JMJD1C: variants seen among roughly 807,000 people sequenced by gnomAD.
JMJD1C encodes the protein jumonji domain containing 1C.
Under a neutral mutation model 245.3 loss-of-function variants are expected in JMJD1C, and 31 were observed. That is an observed-to-expected ratio of 0.13 (90% CI 0.09 to 0.17). The LOEUF (loss-of-function observed/expected upper bound fraction) is 0.17. Among genes scored for constraint, JMJD1C ranks in the 10% least tolerant of loss-of-function variants. JMJD1C has a pLI of 1.00. For synonymous variants in JMJD1C, 1,057 were observed against 1,017.4 expected, an observed-to-expected ratio of 1.04 and a Z score of -0.74; for missense variants, 2,691 against 3,000.2, an observed-to-expected ratio of 0.90 and a Z score of 2.41.
At chr10:63,346,796 C>T (rs1051416944) in intron 2 of JMJD1C, among the ~76,000 whole-genome samples, 1 of 152,104 alleles carries the variant, frequency 6.6e-6, no homozygotes, top group African/African-American at 2.4e-5. Flanking sequence ...TACTTGGCTA[C>T]TATTTTTAAG....
intron 2 of JMJD1C, among the ~76,000 whole-genome samples, chr10:63,276,902 T>TTTTTTTTA (rs71025142): frequency 1.4e-5 from 2 of 142,028 alleles, no homozygotes; most frequent in African/African-American, 2.7e-5. Context: ...TTTTTTTTTT[T>TTTTTTTTA]GAGAGAGAGT....
upstream of JMJD1C, among the ~76,000 whole-genome samples, chr10:63,467,448 C>G (rs1953339604): frequency 6.6e-6 from 1 of 152,200 alleles, no homozygotes; most frequent in South Asian, 2.1e-4. Context: ...CTGGAGGTTG[C>G]AGTGAGCCGG....
chr10:63,192,826 C>A, intron 16 of JMJD1C, 112 bp downstream of exon 16: 3 of 807,144 alleles, frequency 3.7e-6, no homozygotes, highest in South Asian at 1.7e-5. Flanking sequence ...AGAAAAAGAC[C>A]AAAGTAAATT....
intron 2 of JMJD1C, chr10:63,358,640 A>C (rs1016307380): frequency 2.6e-5 from 4 of 152,200 alleles, no homozygotes; most frequent in African/African-American, 4.8e-5. Context: ...ATAAAATCAC[A>C]ACAAAAACAA....
chr10:63,176,109 T>C (rs1260471540), intron 24 of JMJD1C, among the ~76,000 whole-genome samples, 188 bp downstream of exon 24: 1 of 152,168 alleles, frequency 6.6e-6, no homozygotes, highest in African/African-American at 2.4e-5. Flanking sequence ...TAAAACAATT[T>C]AAAATCTTAA....
chr10:63,257,740 A>T lies in JMJD1C; in HGVS notation c.447+6911T>A, dbSNP rs552933078. 2.6e-5 allele frequency among the ~76,000 whole-genome samples: 4 copies of T among 152,358 alleles called. No homozygotes were observed. The South Asian group carries it at 8.3e-4, about 32-fold the overall frequency. ...GCTGTAAAGGATACCACCACAGTAC[A>T]GTTTTGTTGTCATCTTTTCTAATAT... On this transcript the variant is annotated intron_variant, in intron 3 of 25. Coordinates refer to ENST00000399262, the MANE Select transcript of JMJD1C (RefSeq NM_032776.3).
chr10:63,368,011 T>G (rs1945998384), intron 2 of JMJD1C, among the ~76,000 whole-genome samples: 1 of 152,214 alleles, frequency 6.6e-6, no homozygotes, highest in Admixed American at 6.5e-5. Flanking sequence ...TTATAGGACA[T>G]GCTAATTGAA....
intron 2 of JMJD1C, among the ~76,000 whole-genome samples, chr10:63,375,700 G>A (rs577020548): frequency 3.9e-5 from 6 of 152,108 alleles, no homozygotes; most frequent in Non-Finnish European, 7.4e-5. Flanking sequence ...ATAGGCGTGA[G>A]CCACCACACT....
chr10:63,483,331 G>A (rs1953885364), intron 1 of JMJD1C, among the ~76,000 whole-genome samples: 1 of 152,176 alleles, frequency 6.6e-6, no homozygotes. Flanking sequence ...GTTTCCAAGT[G>A]AGCGGTTGCA....
chr10:63,468,659 A>G (rs1048599994), upstream of JMJD1C, among the ~76,000 whole-genome samples: 1 of 152,172 alleles, frequency 6.6e-6, no homozygotes, highest in African/African-American at 2.4e-5. Flanking sequence ...TATAAATTAG[A>G]TTTTCTAGTC....
At chr10:63,279,617 A>T (rs1375095993) in intron 2 of JMJD1C, among the ~76,000 whole-genome samples, 3 of 152,286 alleles carry the variant, frequency 2.0e-5, no homozygotes, top group East Asian at 3.9e-4. Flanking sequence ...AAAAATTTTT[A>T]AATTAGCTGG....
chr10:63,295,717 T>C (rs995025795), intron 2 of JMJD1C, among the ~76,000 whole-genome samples: 1 of 152,074 alleles, frequency 6.6e-6, no homozygotes, highest in African/African-American at 2.4e-5. Flanking sequence ...TTATGCATGG[T>C]AGTTACGCTC....
chr10:63,208,163 T>A lies in JMJD1C; in HGVS notation c.3506A>T (p.His1169Leu), dbSNP rs759583553. Residue 1169 changes from histidine (H) to leucine (L), a missense_variant, in exon 10 of 26, where the codon CAT (histidine) becomes CTT (leucine). Coordinates refer to ENST00000399262, the MANE Select transcript of JMJD1C (RefSeq NM_032776.3). Reference protein sequence around the residue: ...LVGKIPEHLPHQIASHSVTTF... With the variant: ...LVGKIPEHLPLQIASHSVTTF... ...TGTTACTGAGTGAGATGCAATCTGA[T>A]GTGGAAGATGTTCTGGTATCTTGCC... 6.2e-7 allele frequency: 1 copy of A among 1,614,044 alleles called. No homozygotes were observed.
At chr10:63,427,403 C>T (rs144244382) in intron 1 of JMJD1C, 139 of 1,097,272 alleles carry the variant, frequency 1.3e-4, no homozygotes, top group Middle Eastern at 1.2e-3. Context: ...CATGTCTTGA[C>T]GGAAGACACA....
intron 25 of JMJD1C, 87 bp from the exon 26 acceptor site, chr10:63,168,221 G>A: frequency 4.4e-6 from 5 of 1,145,504 alleles, no homozygotes; most frequent in Non-Finnish European, 5.1e-6. Flanking sequence ...AAAAATAATA[G>A]GGAACTAGGA....
At chr10:63,201,209 T>C (rs1204320749) in intron 10 of JMJD1C, among the ~76,000 whole-genome samples, 1 of 152,212 alleles carries the variant, frequency 6.6e-6, no homozygotes. Context: ...GGTAATTTTA[T>C]AAAACCTGTA....
At chr10:63,356,157 T>G (rs2134324877) in intron 2 of JMJD1C, among the ~76,000 whole-genome samples, 1 of 152,288 alleles carries the variant, frequency 6.6e-6, no homozygotes, top group Middle Eastern at 3.4e-3. Context: ...TGTAAAAGAT[T>G]TAATCCAGAC....
At chr10:63,304,999 C>A (rs1280363900) in intron 2 of JMJD1C, among the ~76,000 whole-genome samples, 2 of 152,088 alleles carry the variant, frequency 1.3e-5, no homozygotes, top group African/African-American at 2.4e-5. Flanking sequence ...ATAAACCAGG[C>A]ATGGTGCCAT....
At chr10:63,298,823 C>A (rs1470893730) in intron 2 of JMJD1C, among the ~76,000 whole-genome samples, 5 of 152,156 alleles carry the variant, frequency 3.3e-5, no homozygotes, top group African/African-American at 9.7e-5. Context: ...ACCTCCACCT[C>A]CCGGGTTCAA....
Sources: gnomAD v4.1 joint callset for allele counts (sites outside exome capture counted in the v4.1 genomes callset) on GRCh38, gnomAD v4.1.1 for gene constraint, MANE v1.5 for transcripts, NCBI Gene and HGNC (gene_info 2026-07-23, HGNC 2026-07-21) for gene names.